The following TOPAZ1 variants were observed in gnomAD, a reference collection of about 807,000 sequenced individuals.
The protein encoded by TOPAZ1 is protein TOPAZ1.
Under a neutral mutation model 172.2 loss-of-function variants are expected in TOPAZ1, and 66 were observed. That is an observed-to-expected ratio of 0.38 (90% confidence interval 0.31 to 0.47). TOPAZ1 has a LOEUF of 0.47. Among genes scored for constraint, TOPAZ1 ranks in the 20% least tolerant of loss-of-function variants. The pLI is 0.99. For synonymous variants in TOPAZ1, 681 were observed against 683.9 expected (o/e 1.00, Z 0.07); for missense variants, 1,822 against 1,972.4 (o/e 0.92, Z 1.44).
chr3:44,297,699 G>A (rs904601051), intron 12 of TOPAZ1, among the ~76,000 whole-genome samples: 3 of 151,758 alleles, frequency 2.0e-5, no homozygotes, highest in Non-Finnish European at 2.9e-5. Flanking sequence ...AAAACTGTCC[G>A]TATTTGCAGA....
At chr3:44,285,814 G>T (rs113544551) in intron 9 of TOPAZ1, among the ~76,000 whole-genome samples, 1 of 151,448 alleles carries the variant, frequency 6.6e-6, no homozygotes, top group Non-Finnish European at 1.5e-5. Context: ...CAGGTGATCC[G>T]CCCACAGCCT....
chr3:44,266,913 AAG>A, intron 5 of TOPAZ1, 82 bp from the exon 6 acceptor site: 3 of 1,050,484 alleles, frequency 2.9e-6, no homozygotes, highest in South Asian at 2.9e-5. Context: ...TTTTTTTAAA[AAG>A]AAATATCTGA....
At chr3:44,269,435 A>G in intron 7 of TOPAZ1, 134 bp downstream of exon 7, 1 of 425,130 alleles carries the variant, frequency 2.4e-6, no homozygotes, top group Non-Finnish European at 4.4e-6. Flanking sequence ...TTTATAAACC[A>G]ATACTTTGGA....
At position 44,242,112 on chromosome 3, in the gene TOPAZ1, G is replaced by T. The variant is rs776510376; in HGVS notation, c.59G>T (p.Arg20Leu). The T allele has an allele frequency of 1.3e-6, 2 of 1,548,454 alleles. No homozygotes were observed. Among genetic ancestry groups the T allele is most frequent in the Middle Eastern group, 1.9e-4 (1 of 5,176 alleles). The change falls in exon 1 of 20, where the codon CGA becomes CTA. Residue 20 changes from arginine to leucine, a missense_variant. This residue lies in a region of TOPAZ1 where 1,489 missense variants were observed against 1,490.8 expected (regional missense o/e 1.00). Coordinates refer to ENST00000309765, the MANE Select transcript of TOPAZ1 (RefSeq NM_001145030.2). ...GCCTCAGGGCCTGAAGGCAATGTGC[G>T]AAACCTGCAGAAGCGGCAGGCGCCA... Reference protein sequence around the residue: ...TTASGPEGNVRNLQKRQAPGP... With the variant: ...TTASGPEGNVLNLQKRQAPGP...
At chr3:44,316,948 T>C (rs1283704657) in intron 16 of TOPAZ1, among the ~76,000 whole-genome samples, 3 of 152,228 alleles carry the variant, frequency 2.0e-5, no homozygotes, top group African/African-American at 7.2e-5. Context: ...TTATTTAATA[T>C]AATCTTAGAA....
chr3:44,302,267 G>A (rs779541298), intron 12 of TOPAZ1, among the ~76,000 whole-genome samples: 29 of 152,156 alleles, frequency 1.9e-4, no homozygotes, highest in Non-Finnish European at 3.2e-4. Context: ...AAAACTAGCC[G>A]GGTGTGGTGG....
chr3:44,261,495 ATTCTG>A (rs1231096850), intron 4 of TOPAZ1, among the ~76,000 whole-genome samples: 17 of 152,106 alleles, frequency 1.1e-4, no homozygotes, highest in Middle Eastern at 3.4e-3. Context: ...TGGGCTGTCT[ATTCTG>A]TTCTATTGGT....
At chr3:44,317,717 T>TG in intron 16 of TOPAZ1, among the ~76,000 whole-genome samples, 1 of 152,318 alleles carries the variant, frequency 6.6e-6, no homozygotes, top group Non-Finnish European at 1.5e-5. Context: ...TTCCCAAATA[T>TG]GAAATAGAGA....
chr3:44,250,243 C>CA (rs35079686), intron 2 of TOPAZ1, among the ~76,000 whole-genome samples: 28,905 of 110,698 alleles, frequency 0.26, 4,359 homozygotes, highest in East Asian at 0.71. Flanking sequence ...CATGAAATGA[C>CA]AAAAAAAAAA....
chr3:44,260,282 TA>T (rs1319129824), intron 4 of TOPAZ1, among the ~76,000 whole-genome samples: 1 of 152,222 alleles, frequency 6.6e-6, no homozygotes, highest in East Asian at 1.9e-4. Context: ...TGATCTTTTT[TA>T]CTTGTAGGAA....
At position 44,318,662 on chromosome 3, in the gene TOPAZ1, T is replaced by G. The variant is rs573230111; in HGVS notation, c.4307-2365T>G. Among the ~76,000 whole-genome samples the G allele has an allele frequency of 2.6e-5, 4 of 151,620 alleles. No individual in the cohort carries two copies. The East Asian group carries it at 7.8e-4, about 29-fold the overall frequency. ...GAGGGTCCTAGGGAAATCCAGCCATTCAGAAGCCTGAGATATTTCAGCATC... is the reference window on the plus strand; with the variant it reads ...GAGGGTCCTAGGGAAATCCAGCCATGCAGAAGCCTGAGATATTTCAGCATC... On this transcript the variant is annotated intron_variant, in intron 16 of 19. Transcript: ENST00000309765.
At chr3:44,313,667 TA>T (rs1353498162) in intron 16 of TOPAZ1, among the ~76,000 whole-genome samples, 1 of 151,720 alleles carries the variant, frequency 6.6e-6, no homozygotes, top group Admixed American at 6.6e-5. Context: ...CTTAGAGAGT[TA>T]TTTCCTTTAG....
intron 15 of TOPAZ1, among the ~76,000 whole-genome samples, chr3:44,307,589 T>C (rs1700349976): frequency 6.6e-6 from 1 of 151,954 alleles, no homozygotes; most frequent in African/African-American, 2.4e-5. Flanking sequence ...TGCTGAGGGA[T>C]GGAGTTTATA....
chr3:44,286,266 G>C (rs956450333), intron 9 of TOPAZ1, among the ~76,000 whole-genome samples: 3 of 152,104 alleles, frequency 2.0e-5, no homozygotes, highest in South Asian at 2.1e-4. Context: ...ATGTCAATTA[G>C]TGGACTATTT....
Position 44,241,977 on chromosome 3 carries a change from G to T in TOPAZ1, c.-77G>T, listed in dbSNP as rs1699481069. 2 of 1,372,130 alleles carry T rather than the reference G, an allele frequency of 1.5e-6. No individual in the cohort carries two copies. Among genetic ancestry groups the T allele is most frequent in the South Asian group, 2.6e-5 (2 of 77,994 alleles). 85.0% of individuals were successfully genotyped at this position (1,372,130 alleles called of 1,614,324 possible). A position where few individuals can be genotyped will look rare whatever the true frequency, so the allele number is the denominator to read the frequency against. On this transcript the variant is annotated 5_prime_UTR_variant, in exon 1 of 20. Transcript: ENST00000309765. Reference sequence around the variant, plus strand: ...GTCAGAGGGCAGTAGGTACCTCCAGGCGGGAGCAGCGTTTGCACCGCGGTG... The same window carrying T: ...GTCAGAGGGCAGTAGGTACCTCCAGTCGGGAGCAGCGTTTGCACCGCGGTG...
At chr3:44,249,306 T>G (rs768247432) in intron 2 of TOPAZ1, among the ~76,000 whole-genome samples, 2 of 151,020 alleles carry the variant, frequency 1.3e-5, no homozygotes, top group Non-Finnish European at 2.9e-5. Flanking sequence ...GTACTAAGAG[T>G]AGTAGGAGTT....
At chr3:44,266,026 C>T (rs755116298) in intron 5 of TOPAZ1, among the ~76,000 whole-genome samples, 1 of 152,204 alleles carries the variant, frequency 6.6e-6, no homozygotes, top group Non-Finnish European at 1.5e-5. Flanking sequence ...GGATAACTTG[C>T]TGCAACTTTT....
At chr3:44,283,375 T>C (rs1266315770) in intron 9 of TOPAZ1, among the ~76,000 whole-genome samples, 1 of 152,066 alleles carries the variant, frequency 6.6e-6, no homozygotes, top group Non-Finnish European at 1.5e-5. Context: ...ACTTTAAGAA[T>C]GATAAGATAA....
intron 16 of TOPAZ1, among the ~76,000 whole-genome samples, chr3:44,313,324 C>G (rs1013138509): frequency 1.3e-5 from 2 of 151,918 alleles, no homozygotes; most frequent in African/African-American, 4.8e-5. Flanking sequence ...TTAGAAAGCT[C>G]CCCCGGGCCA....
Sources: allele counts gnomAD v4.1 joint callset (sites outside exome capture counted in the v4.1 genomes callset), GRCh38; gene constraint gnomAD v4.1.1; regional missense constraint gnomAD v4.1.1; transcripts MANE v1.5; gene names NCBI Gene and HGNC (gene_info 2026-07-23, HGNC 2026-07-21).